The following GAS7 variants were observed in gnomAD, a reference collection of about 807,000 sequenced individuals.
GAS7 encodes growth arrest specific 7.
GAS7 carries 28 observed loss-of-function variants against 71.1 expected under a neutral mutation model. That is an observed-to-expected ratio of 0.39 (90% confidence interval 0.29 to 0.54). The LOEUF is 0.54. GAS7 is among the 20% of genes least tolerant of loss of function. The pLI is 0.62. For synonymous variants in GAS7, 258 were observed against 245.8 expected (o/e 1.05, Z -0.46); for missense variants, 436 against 627.8 (o/e 0.69, Z 3.27).
chr17:10,006,491 G>A (rs2071537845), intron 2 of GAS7, among the ~76,000 whole-genome samples: 1 of 151,522 alleles, frequency 6.6e-6, no homozygotes, highest in Admixed American at 6.6e-5. Flanking sequence ...CACCATGCCC[G>A]GCTAATTTTT....
At position 9,931,160 on chromosome 17, in the gene GAS7, T is replaced by A. The variant is rs530539982; in HGVS notation, c.885+3006A>T. ...CAAGTCTCCCATTCGCTCAGTCCTTTCCTTTGCTTCCTCTGTGACTGAACC... is the reference window on the plus strand; with the variant it reads ...CAAGTCTCCCATTCGCTCAGTCCTTACCTTTGCTTCCTCTGTGACTGAACC... On this transcript the variant is annotated intron_variant, in intron 9 of 13. Coordinates refer to ENST00000432992, the MANE Select transcript of GAS7 (RefSeq NM_201433.2). 5.3e-5 allele frequency among the ~76,000 whole-genome samples: 8 copies of A among 152,288 alleles called. No individual in the cohort carries two copies. In the South Asian group the frequency reaches 1.5e-3, roughly 28 times the overall value.
At chr17:10,184,118 C>T (rs2074435853) in intron 1 of GAS7, among the ~76,000 whole-genome samples, 1 of 152,180 alleles carries the variant, frequency 6.6e-6, no homozygotes, top group South Asian at 2.1e-4. Context: ...GAGACCATGT[C>T]CCCGTTGCAT....
At chr17:9,991,495 A>G (rs1258762470) in intron 2 of GAS7, among the ~76,000 whole-genome samples, 1 of 152,114 alleles carries the variant, frequency 6.6e-6, no homozygotes, top group African/African-American at 2.4e-5. Flanking sequence ...TGGCCCTTTG[A>G]TATTTGCCAG....
intron 1 of GAS7, among the ~76,000 whole-genome samples, chr17:10,099,869 T>C (rs550325252): frequency 1.3e-5 from 2 of 152,316 alleles, no homozygotes; most frequent in East Asian, 3.9e-4. Context: ...CACTTAAGAC[T>C]TAAGACTGTG....
At chr17:9,917,383 G>A in intron 13 of GAS7, 42 bp from the exon 14 acceptor site, 1 of 1,352,088 alleles carries the variant, frequency 7.4e-7, no homozygotes, top group Non-Finnish European at 1.1e-6. Context: ...AGAGACGGCG[G>A]CCAAGCCAGG....
At chr17:10,084,458 T>C (rs1181124715) in intron 1 of GAS7, among the ~76,000 whole-genome samples, 1 of 152,148 alleles carries the variant, frequency 6.6e-6, no homozygotes, top group African/African-American at 2.4e-5. Flanking sequence ...AGCTGCCCAG[T>C]ATCCCTTCCC....
In GAS7 at chr17:9,911,928, G is replaced by A. The variant is rs1182581880; in HGVS notation, c.*5300C>T. 2 of 231,976 alleles carry A rather than the reference G, an allele frequency of 8.6e-6. No individual in the cohort carries two copies. Among genetic ancestry groups the A allele is most frequent in the Non-Finnish European group, 1.7e-5 (2 of 117,424 alleles). The allele number at this position is 231,976 out of a possible 1,614,324, so 14.4% of individuals were successfully genotyped here. On this transcript the variant is annotated 3_prime_UTR_variant, in exon 14 of 14. Coordinates refer to ENST00000432992, the MANE Select transcript of GAS7 (RefSeq NM_201433.2). The surrounding 1 kb of genome is among the most constrained non-coding windows in gnomAD (Gnocchi z 4.0). ...CTCAGCCTGGTCTGGCCTTAACTGG[G>A]TGTGGTCCTGTCCCTGCCACCATGT...
At chr17:10,085,985 T>C (rs1305358594) in intron 1 of GAS7, among the ~76,000 whole-genome samples, 1 of 152,172 alleles carries the variant, frequency 6.6e-6, no homozygotes, top group Non-Finnish European at 1.5e-5. Flanking sequence ...AATCAGTCAC[T>C]GAGACTTCAA....
intron 1 of GAS7, among the ~76,000 whole-genome samples, chr17:10,096,310 A>T (rs62066660): frequency 1.6e-4 from 24 of 152,174 alleles, no homozygotes; most frequent in Non-Finnish European, 2.9e-4. Context: ...CACTTCCCAA[A>T]TCCCCTGTAC....
chr17:10,131,408 A>C (rs1230467017), intron 1 of GAS7, among the ~76,000 whole-genome samples: 1 of 152,228 alleles, frequency 6.6e-6, no homozygotes, highest in Non-Finnish European at 1.5e-5. Flanking sequence ...AGATCACTTA[A>C]AGTCAGGAGT....
chr17:10,170,119 C>T (rs1347751718), intron 1 of GAS7, among the ~76,000 whole-genome samples: 5 of 152,054 alleles, frequency 3.3e-5, no homozygotes, highest in Non-Finnish European at 5.9e-5. Flanking sequence ...CTGCAATAAC[C>T]ACCTTACTTG....
At chr17:9,929,731 C>T (rs1463342212) in intron 9 of GAS7, among the ~76,000 whole-genome samples, 2 of 152,194 alleles carry the variant, frequency 1.3e-5, no homozygotes, top group Non-Finnish European at 2.9e-5. Flanking sequence ...CCCGCCTCGG[C>T]CTCCCAAAGT....
chr17:9,926,292 C>T lies in GAS7; in HGVS notation c.1014+349G>A, dbSNP rs2067996830. Among the ~76,000 whole-genome samples, 1 of 152,112 alleles carries T rather than the reference C, an allele frequency of 6.6e-6. No individual in the cohort carries two copies. The highest frequency in any genetic ancestry group is 1.5e-5 in the Non-Finnish European group (1 of 67,988). On this transcript the variant is annotated intron_variant, in intron 10 of 13. Transcript: ENST00000432992. This position sits in a 1 kb window ranked among gnomAD's most constrained non-coding sequence, Gnocchi z 5.0. ...CGGTGACTGAGTCAGGACGACTCAGCCAGGTGAGGCTTAAACACGGGGCCC... is the reference window on the plus strand; with the variant it reads ...CGGTGACTGAGTCAGGACGACTCAGTCAGGTGAGGCTTAAACACGGGGCCC...
At chr17:10,085,706 A>AAAAAAAAAAGAAAGAAAGAAAG (rs1555531934) in intron 1 of GAS7, among the ~76,000 whole-genome samples, 1 of 134,918 alleles carries the variant, frequency 7.4e-6, no homozygotes, top group African/African-American at 3.0e-5. Flanking sequence ...AAAAAAAAAA[A>AAAAAAAAAAGAAAGAAAGAAAG]AAAGAAAGAA....
intron 2 of GAS7, among the ~76,000 whole-genome samples, chr17:9,994,984 C>T (rs539726331): frequency 1.1e-4 from 16 of 152,284 alleles, no homozygotes; most frequent in African/African-American, 3.1e-4. Context: ...CTATTCTCAC[C>T]GTGACGTGGC....
chr17:10,010,285 G>A (rs1414015944), intron 2 of GAS7, among the ~76,000 whole-genome samples: 1 of 152,028 alleles, frequency 6.6e-6, no homozygotes, highest in Non-Finnish European at 1.5e-5. Context: ...GAGTAGCTGG[G>A]ACTTACAGGC....
At chr17:10,101,854 A>G (rs2073702027) in intron 1 of GAS7, among the ~76,000 whole-genome samples, 1 of 152,040 alleles carries the variant, frequency 6.6e-6, no homozygotes, top group Non-Finnish European at 1.5e-5. Flanking sequence ...TCAGTTTTTC[A>G]CGCTCTTTGT....
Position 9,937,493 on chromosome 17 carries a change from G to A in GAS7, c.806+2633C>T, listed in dbSNP as rs557856543. 3.9e-4 allele frequency among the ~76,000 whole-genome samples: 60 copies of A among 152,324 alleles called. 1 individual carries two copies. Among genetic ancestry groups the A allele is most frequent in the African/African-American group, 1.2e-3 (51 of 41,572 alleles). ...CCTTCCTGCCCCTATCTCAGGCCCC[G>A]TGCATGGAGCAGAAGGAGGCCAGGA... On this transcript the variant is annotated intron_variant, in intron 8 of 13. Transcript: ENST00000432992.
chr17:10,034,699 G>T lies in GAS7; in HGVS notation c.184-14802C>A, dbSNP rs931878643. Among the ~76,000 whole-genome samples, 1 of 152,158 alleles carries T rather than the reference G, an allele frequency of 6.6e-6. No homozygotes were observed. The highest frequency in any genetic ancestry group is 1.5e-5 in the Non-Finnish European group (1 of 68,014). ...AAAGTCACATTCAAGTGTAGACATGGGCATCATGTCTAGGAGGCATCTGAC... is the reference window on the plus strand; with the variant it reads ...AAAGTCACATTCAAGTGTAGACATGTGCATCATGTCTAGGAGGCATCTGAC... On this transcript the variant is annotated intron_variant, in intron 1 of 13. Coordinates refer to ENST00000432992, the MANE Select transcript of GAS7 (RefSeq NM_201433.2). The surrounding 1 kb of genome is among the most constrained non-coding windows in gnomAD (Gnocchi z 4.4).
Sources: allele counts gnomAD v4.1 joint callset (sites outside exome capture counted in the v4.1 genomes callset), GRCh38; gene constraint gnomAD v4.1.1; non-coding constraint Gnocchi (gnomAD v3.1); transcripts MANE v1.5; gene names NCBI Gene and HGNC (gene_info 2026-07-23, HGNC 2026-07-21).